DEF8: variants seen among roughly 807,000 people sequenced by gnomAD.
The protein encoded by DEF8 is DEF-8.
In DEF8, 38 loss-of-function variants were observed where a neutral mutation model predicts 59.1. The ratio of observed to expected loss-of-function variants is 0.64; its 90% confidence interval spans 0.50 to 0.84. The LOEUF is 0.84. DEF8 is among the 40% of genes least tolerant of loss of function. DEF8 has a pLI of 0.00. For missense variants in DEF8, 557 were observed against 615.2 expected, an observed-to-expected ratio of 0.91 and a Z score of 1.00; for synonymous variants, 265 against 250.1, an observed-to-expected ratio of 1.06 and a Z score of -0.56.
intron 8 of DEF8, 45 bp downstream of exon 8, chr16:89,961,909 G>A (rs751227299): frequency 6.9e-6 from 11 of 1,598,324 alleles, no homozygotes; most frequent in Non-Finnish European, 8.5e-6. Flanking sequence ...AGGGAGAGCA[G>A]GAAGGGGGTT....
intron 1 of DEF8, 54 bp from the exon 2 acceptor site, chr16:89,949,363 C>T: frequency 2.1e-6 from 3 of 1,454,938 alleles, no homozygotes; most frequent in East Asian, 2.3e-5. Flanking sequence ...CGGGCGAGCT[C>T]CCGCGGGTGT....
At position 89,954,039 on chromosome 16, in the gene DEF8, G is replaced by A. The variant is rs977167567; in HGVS notation, c.-10-204G>A. The A allele has an allele frequency of 3.8e-5, 22 of 581,696 alleles. No homozygotes were observed. The South Asian group carries it at 4.8e-4, about 13-fold the overall frequency. The allele number at this position is 581,696 out of a possible 1,614,324, so 36.0% of individuals were successfully genotyped here. ...CACCGTGAGCTCTTTCCAAGGGGACGCCACCAGTGGGGGCCTGGGCAGGAG... is the reference window on the plus strand; with the variant it reads ...CACCGTGAGCTCTTTCCAAGGGGACACCACCAGTGGGGGCCTGGGCAGGAG... On this transcript the variant is annotated intron_variant, in intron 2 of 12. Transcript: ENST00000563594. The surrounding 1 kb of genome is among the most constrained non-coding windows in gnomAD (Gnocchi z 4.3).
chr16:89,959,744 A>G (rs62052243), intron 6 of DEF8, among the ~76,000 whole-genome samples: 48,940 of 152,046 alleles, frequency 0.32, 8,159 homozygotes, highest in African/African-American at 0.4. Context: ...TGTTCCGTCC[A>G]CCTCGGCCTC....
intron 2 of DEF8, chr16:89,950,366 G>C (rs1310545416): frequency 1.7e-5 from 17 of 976,798 alleles, no homozygotes; most frequent in Non-Finnish European, 2.1e-5. Context: ...AGACAATGGA[G>C]AACCAGAGTC....
Position 89,949,475 on chromosome 16 carries a change from C to T in DEF8, c.-49C>T. On this transcript the variant is annotated 5_prime_UTR_variant, in exon 2 of 13. Transcript: ENST00000563594. ...CAGCAGCCCTAGAGGAATGGCCATC[C>T]TGTCCCTGCGAGCCCCTGGGCCCTG... The T allele has an allele frequency of 6.2e-7, 1 of 1,612,448 alleles. No homozygotes were observed. Among genetic ancestry groups the T allele is most frequent in the Non-Finnish European group, 8.5e-7 (1 of 1,179,864 alleles).
rs1031766321 is a variant in DEF8, at chr16:89,963,763, G to A, written c.1002+320G>A. On this transcript the variant is annotated intron_variant, in intron 10 of 12. Transcript: ENST00000563594. Reference sequence around the variant, plus strand: ...GTGCTCAACAGATACAGATGTTCTAGATTCTGGAACAGTGAACGAAACAGA... The same window carrying A: ...GTGCTCAACAGATACAGATGTTCTAAATTCTGGAACAGTGAACGAAACAGA... The A allele has an allele frequency of 2.4e-5, 12 of 500,732 alleles. No homozygotes were observed. The Admixed American group carries it at 3.9e-4, about 16-fold the overall frequency. 31.0% of individuals were successfully genotyped at this position (500,732 alleles called of 1,614,324 possible).
At position 89,954,107 on chromosome 16, in the gene DEF8, G is replaced by T; in HGVS notation, c.-10-136G>T. Reference sequence around the variant, plus strand: ...GGAAAAGGCTGAAGATCAAGGCTGTGGTGTGAGGACTACCCACTTTAGGGA... The same window carrying T: ...GGAAAAGGCTGAAGATCAAGGCTGTTGTGTGAGGACTACCCACTTTAGGGA... On this transcript the variant is annotated intron_variant, in intron 2 of 12. Coordinates refer to ENST00000563594, the MANE Select transcript of DEF8 (RefSeq NM_001242818.2). The surrounding 1 kb of genome is among the most constrained non-coding windows in gnomAD (Gnocchi z 4.3). The T allele has an allele frequency of 1.1e-6, 1 of 880,486 alleles. No individual in the cohort carries two copies. The highest frequency in any genetic ancestry group is 2.5e-5 in the East Asian group (1 of 39,440). The allele number at this position is 880,486 out of a possible 1,614,324, so 54.5% of individuals were successfully genotyped here.
At chr16:89,961,368 C>T (rs527974617) in intron 7 of DEF8, among the ~76,000 whole-genome samples, 2 of 152,352 alleles carry the variant, frequency 1.3e-5, no homozygotes, top group Non-Finnish European at 2.9e-5. Flanking sequence ...GTGTGAAAGC[C>T]TCATAGATGA....
intron 6 of DEF8, 79 bp from the exon 7 acceptor site, chr16:89,960,852 G>T: frequency 1.3e-6 from 2 of 1,503,474 alleles, no homozygotes; most frequent in Non-Finnish European, 1.8e-6. Context: ...CCACGGGGAG[G>T]GGGCAAGCCA....
At chr16:89,962,603 C>T (rs530702806) in intron 9 of DEF8, among the ~76,000 whole-genome samples, 1 of 152,240 alleles carries the variant, frequency 6.6e-6, no homozygotes, top group African/African-American at 2.4e-5. Context: ...TTGCTGTGAG[C>T]CGAGATCGCG....
chr16:89,955,087 C>T, intron 3 of DEF8, 82 bp from the exon 4 acceptor site: 2 of 1,122,010 alleles, frequency 1.8e-6, no homozygotes, highest in Non-Finnish European at 2.7e-6. Context: ...TTTCCCACTC[C>T]TGGCTATCTC....
Position 89,959,037 on chromosome 16 carries a change from C to T in DEF8, c.396C>T (p.Asn132=). 1.2e-6 allele frequency: 2 copies of T among 1,612,972 alleles called. No homozygotes were observed. Among genetic ancestry groups the T allele is most frequent in the African/African-American group, 1.3e-5 (1 of 75,056 alleles). Residue 132 remains asparagine (N), a synonymous_variant, in exon 6 of 13, where the codon AAC becomes AAT. Coordinates refer to ENST00000563594, the MANE Select transcript of DEF8 (RefSeq NM_001242818.2). Reference sequence around the variant, plus strand: ...AGGACCCCAATGAGGATGAGCCAAACATCCGAGTGCTCCTTGAGCACCGCT... The same window carrying T: ...AGGACCCCAATGAGGATGAGCCAAATATCCGAGTGCTCCTTGAGCACCGCT... ...ELKDPNEDEP[N]IRVLLEHRFY...
In DEF8 at chr16:89,966,042, G is replaced by A. The variant is rs982976708; in HGVS notation, c.*79G>A. ...AACATCAAGTTGTTCCTTCTGCTCC[G>A]GAGACCCCTGGGGTGCGGCCCTGGC... On this transcript the variant is annotated 3_prime_UTR_variant, in exon 13 of 13. Transcript: ENST00000563594. 4.7e-5 allele frequency: 55 copies of A among 1,179,734 alleles called. No individual in the cohort carries two copies. The Middle Eastern group carries it at 1.3e-3, about 27-fold the overall frequency. The allele number at this position is 1,179,734 out of a possible 1,614,324, so 73.1% of individuals were successfully genotyped here.
chr16:89,950,670 G>C (rs2031873506), intron 2 of DEF8, among the ~76,000 whole-genome samples: 1 of 152,036 alleles, frequency 6.6e-6, no homozygotes, highest in African/African-American at 2.4e-5. Flanking sequence ...CCACACACCG[G>C]CCATGATTCT....
At chr16:89,962,548 C>T (rs561888236) in intron 9 of DEF8, among the ~76,000 whole-genome samples, 2 of 151,832 alleles carry the variant, frequency 1.3e-5, no homozygotes, top group African/African-American at 2.4e-5. Context: ...CCCAGCTACT[C>T]GGGAGGCTGA....
At chr16:89,957,915 G>GA (rs1462507157) in intron 5 of DEF8, 1 of 349,172 alleles carries the variant, frequency 2.9e-6, no homozygotes, top group Non-Finnish European at 5.2e-6. Context: ...AAGCCAAAAA[G>GA]AAAAATGTAT....
intron 4 of DEF8, among the ~76,000 whole-genome samples, chr16:89,955,738 T>C (rs2033055545): frequency 1.3e-5 from 2 of 152,080 alleles, no homozygotes; most frequent in African/African-American, 4.8e-5. Flanking sequence ...ATGGAAGCCT[T>C]GTGTTGAAGA....
intron 9 of DEF8, among the ~76,000 whole-genome samples, chr16:89,962,413 C>T (rs2034144032): frequency 6.6e-6 from 1 of 152,186 alleles, no homozygotes; most frequent in African/African-American, 2.4e-5. Flanking sequence ...AATCCCAGCA[C>T]TTGGGAGGCT....
intron 9 of DEF8, 115 bp from the exon 10 acceptor site, chr16:89,963,248 C>G (rs2034262076): frequency 1.3e-6 from 1 of 780,594 alleles, no homozygotes; most frequent in Non-Finnish European, 2.0e-6. Flanking sequence ...AGATCTCGGC[C>G]CTTCGTGGGG....
Sources: gnomAD v4.1 joint callset for allele counts (sites outside exome capture counted in the v4.1 genomes callset) on GRCh38, gnomAD v4.1.1 for gene constraint, Gnocchi (gnomAD v3.1) non-coding constraint, MANE v1.5 for transcripts, NCBI Gene and HGNC (gene_info 2026-07-23, HGNC 2026-07-21) for gene names.